The following IQSEC1 variants were observed in gnomAD, a reference collection of about 807,000 sequenced individuals.
IQSEC1 encodes IQ motif and Sec7 domain ArfGEF 1, also known as IQ motif and SEC7 domain-containing protein 1.
IQSEC1 carries 31 observed loss-of-function variants against 91.0 expected under a neutral mutation model. The ratio of observed to expected loss-of-function variants is 0.34; its 90% CI spans 0.26 to 0.46. The LOEUF is 0.46. IQSEC1 is among the 20% of genes least tolerant of loss of function. The pLI is 1.00. For missense variants in IQSEC1, 1,388 were observed against 1,575.6 expected, an observed-to-expected ratio of 0.88 and a Z score of 2.02; for synonymous variants, 699 against 662.6, an observed-to-expected ratio of 1.05 and a Z score of -0.84.
At chr3:13,069,071 C>T (rs116788630) in intron 1 of IQSEC1, among the ~76,000 whole-genome samples, 1,809 of 152,358 alleles carry the variant, frequency 0.012, 52 homozygotes, top group South Asian at 0.095. Flanking sequence ...CCAGGACCTG[C>T]CCAGTGGCTT....
At chr3:13,015,952 C>G (rs1007531744) in intron 1 of IQSEC1, among the ~76,000 whole-genome samples, 3 of 152,242 alleles carry the variant, frequency 2.0e-5, no homozygotes, top group African/African-American at 7.2e-5. Context: ...TTCAGAGTGC[C>G]GGGCCCCTTC....
At chr3:13,092,065 G>T (rs962173450) in intron 2 of IQSEC1, among the ~76,000 whole-genome samples, 8 of 152,096 alleles carry the variant, frequency 5.3e-5, no homozygotes, top group African/African-American at 1.9e-4. Context: ...GCTCTTTCTG[G>T]GGTCAAGCTA....
intron 2 of IQSEC1, among the ~76,000 whole-genome samples, chr3:13,084,398 G>A (rs919745092): frequency 1.3e-5 from 2 of 152,156 alleles, no homozygotes; most frequent in South Asian, 4.1e-4. Context: ...AACATCCCAG[G>A]GGGTAGCCTG....
intron 1 of IQSEC1, among the ~76,000 whole-genome samples, chr3:13,241,020 A>C (rs910502164): frequency 4.6e-5 from 7 of 152,192 alleles, no homozygotes; most frequent in Non-Finnish European, 7.3e-5. Flanking sequence ...AGGTGGGCCC[A>C]CCGTGTGATC....
rs889315518 is a variant in IQSEC1 at position 13,214,103 on chromosome 3, C to T, written c.273-49970G>A. ...GTGCTCTGTCCACACGGCCCAGCCCCTCCTGGCCTTTGCTATACTGGTCTC... is the reference window on the plus strand; with the variant it reads ...GTGCTCTGTCCACACGGCCCAGCCCTTCCTGGCCTTTGCTATACTGGTCTC... On this transcript the variant is annotated intron_variant, in intron 1 of 15. Transcript: ENST00000648114. The surrounding 1 kb of genome is among the most constrained non-coding windows in gnomAD (Gnocchi z 4.5). Among the ~76,000 whole-genome samples the T allele has an allele frequency of 2.0e-5, 3 of 152,192 alleles. No homozygotes were observed. Among genetic ancestry groups the T allele is most frequent in the African/African-American group, 7.2e-5 (3 of 41,442 alleles).
At chr3:12,968,447 A>G (rs1256087337) in intron 1 of IQSEC1, among the ~76,000 whole-genome samples, 1 of 152,140 alleles carries the variant, frequency 6.6e-6, no homozygotes, top group East Asian at 1.9e-4. Context: ...TTCTTTAGTG[A>G]TAGTTGGCCT....
chr3:13,187,382 C>T (rs145881196), intron 1 of IQSEC1, among the ~76,000 whole-genome samples: 6 of 152,344 alleles, frequency 3.9e-5, no homozygotes, highest in Non-Finnish European at 7.3e-5. Flanking sequence ...GCCCTCAGCA[C>T]AGCCCTAATT....
intron 1 of IQSEC1, among the ~76,000 whole-genome samples, chr3:13,245,172 A>C (rs1695088220): frequency 6.6e-6 from 1 of 152,138 alleles, no homozygotes; most frequent in South Asian, 2.1e-4. Flanking sequence ...GGCTGCCGGC[A>C]GCTCAGCAAG....
upstream of IQSEC1, among the ~76,000 whole-genome samples, chr3:13,075,931 A>T (rs1705555255): frequency 6.6e-6 from 1 of 152,216 alleles, no homozygotes; most frequent in Non-Finnish European, 1.5e-5. Context: ...CCACCTGTGC[A>T]GGCTGAGCTT....
intron 2 of IQSEC1, among the ~76,000 whole-genome samples, chr3:13,093,218 A>G (rs374364006): frequency 2.7e-5 from 3 of 113,052 alleles, no homozygotes; most frequent in Non-Finnish European, 5.5e-5. Context: ...AAACAAACTC[A>G]CTTATAAAGG....
At chr3:12,939,604 G>T (rs894413206) in intron 2 of IQSEC1, among the ~76,000 whole-genome samples, 1 of 152,186 alleles carries the variant, frequency 6.6e-6, no homozygotes, top group Admixed American at 6.5e-5. Context: ...AAGCTCAGTG[G>T]ACCATCAAAT....
At chr3:12,954,391 G>A (rs1489046186) in intron 1 of IQSEC1, among the ~76,000 whole-genome samples, 3 of 152,222 alleles carry the variant, frequency 2.0e-5, no homozygotes, top group Admixed American at 2.0e-4. Flanking sequence ...GAGGGCCTTG[G>A]TGGCTGTGGA....
At chr3:13,038,379 G>A (rs1443030259) in intron 1 of IQSEC1, among the ~76,000 whole-genome samples, 1 of 149,730 alleles carries the variant, frequency 6.7e-6, no homozygotes, top group Non-Finnish European at 1.5e-5. Flanking sequence ...GATGTTAAGT[G>A]AAATAAGCCA....
chr3:12,930,904 C>T (rs1697615059), intron 3 of IQSEC1, among the ~76,000 whole-genome samples: 1 of 152,124 alleles, frequency 6.6e-6, no homozygotes, highest in Non-Finnish European at 1.5e-5. Context: ...AGTCCCTGCA[C>T]ACCTGAAAAT....
intron 1 of IQSEC1, among the ~76,000 whole-genome samples, chr3:13,196,732 G>T (rs184648167): frequency 4.1e-3 from 596 of 146,474 alleles, no homozygotes; most frequent in Middle Eastern, 0.01. Context: ...GCGTGCGTGT[G>T]TATGTACATG....
chr3:12,957,773 T>C (rs953718444), intron 1 of IQSEC1, among the ~76,000 whole-genome samples: 9 of 152,224 alleles, frequency 5.9e-5, no homozygotes, highest in East Asian at 3.8e-4. Context: ...AAGGAAAGTA[T>C]GGCATTCCCA....
intron 2 of IQSEC1, among the ~76,000 whole-genome samples, chr3:13,133,594 C>A (rs989904071): frequency 6.6e-6 from 1 of 152,252 alleles, no homozygotes; most frequent in Non-Finnish European, 1.5e-5. Context: ...CACTGCTGCA[C>A]ACAGCCAGTT....
chr3:13,062,652 C>A (rs1208245553), intron 1 of IQSEC1, among the ~76,000 whole-genome samples: 1 of 152,100 alleles, frequency 6.6e-6, no homozygotes, highest in African/African-American at 2.4e-5. Context: ...GACAGACACC[C>A]GAACAAGGAA....
In IQSEC1 at chr3:12,899,125, T is replaced by C; in HGVS notation, c.*1858A>G. Reference sequence around the variant, plus strand: ...ATTAACAAAGTGCTTGGTTTGCAGATTTGCTGGTACGGTGATCTCAATGAT... The same window carrying C: ...ATTAACAAAGTGCTTGGTTTGCAGACTTGCTGGTACGGTGATCTCAATGAT... On this transcript the variant is annotated 3_prime_UTR_variant, in exon 14 of 14. Coordinates refer to ENST00000613206, the MANE Select transcript of IQSEC1 (RefSeq NM_001134382.3). 1 of 524,362 alleles carries C rather than the reference T, an allele frequency of 1.9e-6. No individual in the cohort carries two copies. Among genetic ancestry groups the C allele is most frequent in the Admixed American group, 3.3e-5 (1 of 30,076 alleles). 32.5% of individuals were successfully genotyped at this position (524,362 alleles called of 1,614,324 possible).
Sources: gnomAD v4.1 joint callset for allele counts (sites outside exome capture counted in the v4.1 genomes callset) on GRCh38, gnomAD v4.1.1 for gene constraint, Gnocchi (gnomAD v3.1) non-coding constraint, MANE v1.5 for transcripts, NCBI Gene and HGNC (gene_info 2026-07-23, HGNC 2026-07-21) for gene names.